CSTPP1: variants seen among roughly 807,000 people sequenced by gnomAD.
CSTPP1 encodes the protein UPF0705 protein C11orf49.
the CSTPP1 span, among the ~76,000 whole-genome samples, chr11:47,037,169 T>C: frequency 4.8e-5 from 6 of 125,522 alleles, 2 homozygotes; most frequent in Admixed American, 1.7e-4. Flanking sequence ...AAATATGGGA[T>C]CATTTGAACA....
chr11:47,161,559 G>A, the CSTPP1 span: 1 of 1,614,130 alleles, frequency 6.2e-7, no homozygotes, highest in African/African-American at 1.3e-5. Flanking sequence ...GGCTCTCCCT[G>A]GAGACCTCTC....
the CSTPP1 span, among the ~76,000 whole-genome samples, chr11:47,139,096 A>G: frequency 6.7e-6 from 1 of 150,354 alleles, no homozygotes; most frequent in African/African-American, 2.5e-5. Flanking sequence ...TACTGAATGC[A>G]TTTACCTTCA....
the CSTPP1 span, among the ~76,000 whole-genome samples, chr11:46,959,376 T>C: frequency 6.6e-6 from 1 of 152,188 alleles, no homozygotes; most frequent in South Asian, 2.1e-4. Flanking sequence ...TTCCTGTTTT[T>C]AGTAGGGCAC....
At chr11:47,099,720 A>G in the CSTPP1 span, among the ~76,000 whole-genome samples, 372 of 152,362 alleles carry the variant, frequency 2.4e-3, 1 homozygote, top group African/African-American at 8.2e-3. Flanking sequence ...TACACTGCTC[A>G]TTGGAGAAAG....
chr11:47,106,226 A>G, the CSTPP1 span, among the ~76,000 whole-genome samples: 1 of 152,224 alleles, frequency 6.6e-6, no homozygotes, highest in Admixed American at 6.5e-5. Context: ...CGCCTGGTTT[A>G]TTACTTAAAG....
the CSTPP1 span, among the ~76,000 whole-genome samples, chr11:47,119,451 A>G: frequency 1.3e-5 from 2 of 152,002 alleles, no homozygotes; most frequent in Admixed American, 6.5e-5. Flanking sequence ...CTCGCCCTCC[A>G]TGGGCTGCAC....
At chr11:47,157,978 C>T in the CSTPP1 span, 1 of 1,507,452 alleles carries the variant, frequency 6.6e-7, no homozygotes, top group Non-Finnish European at 9.2e-7. Context: ...CAGGGAGCAG[C>T]TGGCCTCTGT....
At chr11:46,942,786 A>G in the CSTPP1 span, among the ~76,000 whole-genome samples, 1 of 152,162 alleles carries the variant, frequency 6.6e-6, no homozygotes, top group Non-Finnish European at 1.5e-5. Flanking sequence ...TTCTCATTTT[A>G]TAAATAAGGA....
the CSTPP1 span, among the ~76,000 whole-genome samples, chr11:46,993,549 C>CTTGTTTTTG: frequency 4.7e-4 from 72 of 152,104 alleles, no homozygotes; most frequent in Non-Finnish European, 9.3e-4. Context: ...TTCCCCATTT[C>CTTGTTTTTG]TTGTTTTTGT....
chr11:47,033,381 T>C, the CSTPP1 span, among the ~76,000 whole-genome samples: 1 of 152,196 alleles, frequency 6.6e-6, no homozygotes, highest in Non-Finnish European at 1.5e-5. Context: ...TTCTGCCAGA[T>C]GGTCTAATGT....
At chr11:47,077,199 T>TG in the CSTPP1 span, among the ~76,000 whole-genome samples, 6 of 150,060 alleles carry the variant, frequency 4.0e-5, 1 homozygote, top group African/African-American at 1.5e-4. Context: ...TAAAGTTGTT[T>TG]TTTTTTTTTT....
the CSTPP1 span, among the ~76,000 whole-genome samples, chr11:46,995,020 C>G: frequency 6.6e-6 from 1 of 152,102 alleles, no homozygotes; most frequent in Non-Finnish European, 1.5e-5. Context: ...TGTATGTGTC[C>G]AGGAATTTAT....
At chr11:46,941,890 T>A in the CSTPP1 span, among the ~76,000 whole-genome samples, 1 of 152,184 alleles carries the variant, frequency 6.6e-6, no homozygotes, top group East Asian at 1.9e-4. Context: ...CCTTGGTTAG[T>A]GTATCTGGAG....
At chr11:47,081,626 A>G in the CSTPP1 span, among the ~76,000 whole-genome samples, 19 of 152,216 alleles carry the variant, frequency 1.2e-4, no homozygotes, top group African/African-American at 4.3e-4. Flanking sequence ...TAGACAGGCA[A>G]TCAATGGACC....
At chr11:46,954,527 C>T in the CSTPP1 span, among the ~76,000 whole-genome samples, 3 of 151,600 alleles carry the variant, frequency 2.0e-5, no homozygotes, top group African/African-American at 4.8e-5. Flanking sequence ...TCAGCCTGGG[C>T]GACACAGTGA....
chr11:47,161,764 C>A, the CSTPP1 span: 2 of 1,435,020 alleles, frequency 1.4e-6, no homozygotes, highest in African/African-American at 2.9e-5. Flanking sequence ...TGAATAACAG[C>A]CCCAAGACCA....
the CSTPP1 span, chr11:47,161,109 C>T: frequency 2.5e-6 from 4 of 1,614,046 alleles, no homozygotes; most frequent in Non-Finnish European, 3.4e-6. Flanking sequence ...AACTACTGTG[C>T]CCCCAATGAT....
chr11:47,051,436 T>C, the CSTPP1 span, among the ~76,000 whole-genome samples: 1 of 152,098 alleles, frequency 6.6e-6, no homozygotes, highest in Non-Finnish European at 1.5e-5. Flanking sequence ...AAACAATGAC[T>C]CACTTGGGCC....
chr11:47,058,644 G>T, the CSTPP1 span, among the ~76,000 whole-genome samples: 1 of 152,174 alleles, frequency 6.6e-6, no homozygotes, highest in Non-Finnish European at 1.5e-5. Flanking sequence ...CTTCTATGTA[G>T]ATTATCTCAT....
Sources: gnomAD v4.1 joint callset for allele counts (sites outside exome capture counted in the v4.1 genomes callset) on GRCh38, gnomAD v4.1.1 for gene constraint, MANE v1.5 for transcripts, NCBI Gene and HGNC (gene_info 2026-07-23, HGNC 2026-07-21) for gene names.